The following DGKB variants were observed in gnomAD, a reference collection of about 807,000 sequenced individuals.
DGKB encodes 90 kDa diacylglycerol kinase.
Under a neutral mutation model 114.3 loss-of-function variants are expected in DGKB, and 67 were observed. That is an observed-to-expected ratio of 0.59 (90% confidence interval 0.48 to 0.72). The LOEUF is 0.72. DGKB is among the 30% of genes least tolerant of loss of function. DGKB has a pLI of 0.00. For missense variants in DGKB, 907 were observed against 975.2 expected, an observed-to-expected ratio of 0.93 and a Z score of 0.93; for synonymous variants, 398 against 323.1, an observed-to-expected ratio of 1.23 and a Z score of -2.49.
intron 21 of DGKB, among the ~76,000 whole-genome samples, chr7:14,463,591 C>CT (rs1833403794): frequency 6.6e-6 from 1 of 152,128 alleles, no homozygotes; most frequent in South Asian, 2.1e-4. Flanking sequence ...GCTATAAACT[C>CT]TAAGTGGTTG....
chr7:14,910,702 G>T (rs1783958722), intron 1 of DGKB, among the ~76,000 whole-genome samples: 1 of 152,090 alleles, frequency 6.6e-6, no homozygotes, highest in Non-Finnish European at 1.5e-5. Context: ...CAAAAGCACT[G>T]AATCTCTCTA....
intron 2 of DGKB, among the ~76,000 whole-genome samples, chr7:14,796,553 AG>A (rs1042422789): frequency 3.3e-5 from 5 of 152,184 alleles, no homozygotes; most frequent in African/African-American, 1.2e-4. Context: ...TGAAGACAAA[AG>A]CATAATCAAA....
intron 20 of DGKB, among the ~76,000 whole-genome samples, chr7:14,522,140 C>G (rs562729916): frequency 6.6e-6 from 1 of 152,254 alleles, no homozygotes; most frequent in African/African-American, 2.4e-5. Flanking sequence ...TTAAGTGTTT[C>G]ATTTTTTGCT....
At chr7:14,928,538 CCTA>C (rs1562882444) in intron 1 of DGKB, among the ~76,000 whole-genome samples, 1 of 151,778 alleles carries the variant, frequency 6.6e-6, no homozygotes, top group African/African-American at 2.4e-5. Context: ...AGTGCCTCAT[CCTA>C]CTGTTATCTG....
intron 5 of DGKB, among the ~76,000 whole-genome samples, chr7:14,734,179 C>T (rs994150148): frequency 6.8e-6 from 1 of 147,478 alleles, no homozygotes. Flanking sequence ...GGATTACAGG[C>T]GCCTGCCACC....
chr7:14,626,477 A>T (rs1303437377), intron 14 of DGKB, among the ~76,000 whole-genome samples: 1 of 152,222 alleles, frequency 6.6e-6, no homozygotes, highest in Non-Finnish European at 1.5e-5. Flanking sequence ...CAGAAACCCT[A>T]GAGTTTTTAA....
intron 13 of DGKB, among the ~76,000 whole-genome samples, chr7:14,660,846 C>G (rs989394329): frequency 1.3e-5 from 2 of 151,904 alleles, no homozygotes; most frequent in African/African-American, 4.8e-5. Context: ...CTACTGGTAC[C>G]AAAACAGAGA....
chr7:14,527,705 A>G (rs1006681542), intron 20 of DGKB, among the ~76,000 whole-genome samples: 2 of 152,046 alleles, frequency 1.3e-5, no homozygotes, highest in African/African-American at 4.8e-5. Flanking sequence ...AATACTTCCA[A>G]TTTTTTAATG....
intron 3 of DGKB, 26 bp downstream of exon 3, chr7:14,757,629 C>T: frequency 7.4e-7 from 1 of 1,356,996 alleles, no homozygotes; most frequent in African/African-American, 1.5e-5. Context: ...ATATACGAAA[C>T]TGATATAAAG....
At chr7:14,827,287 A>T (rs923412105) in intron 2 of DGKB, among the ~76,000 whole-genome samples, 1 of 152,142 alleles carries the variant, frequency 6.6e-6, no homozygotes, top group East Asian at 1.9e-4. Flanking sequence ...ATAAGGCATT[A>T]CCCAGAATTT....
chr7:14,578,778 G>A (rs1799529438), intron 19 of DGKB, among the ~76,000 whole-genome samples: 1 of 152,192 alleles, frequency 6.6e-6, no homozygotes, highest in Admixed American at 6.5e-5. Flanking sequence ...AAATTAATCT[G>A]TTTTTGAAAA....
At chr7:14,973,339 G>A (rs771490280) in intron 1 of DGKB, among the ~76,000 whole-genome samples, 57 of 151,350 alleles carry the variant, frequency 3.8e-4, no homozygotes, top group Non-Finnish European at 6.8e-4. Context: ...GTATATTATA[G>A]CCACAGTCAG....
chr7:14,192,519 A>G (rs755743012), intron 23 of DGKB, among the ~76,000 whole-genome samples: 5 of 152,126 alleles, frequency 3.3e-5, no homozygotes, highest in Non-Finnish European at 4.4e-5. Context: ...TTTTTTTTAA[A>G]TGGTCATAGT....
At chr7:14,953,521 G>T (rs760296595) in intron 1 of DGKB, among the ~76,000 whole-genome samples, 1 of 152,008 alleles carries the variant, frequency 6.6e-6, no homozygotes, top group Non-Finnish European at 1.5e-5. Context: ...CACACACGAG[G>T]ATGATTATAA....
intron 23 of DGKB, among the ~76,000 whole-genome samples, chr7:14,328,234 G>A (rs1019166667): frequency 5.9e-5 from 9 of 152,130 alleles, no homozygotes; most frequent in Non-Finnish European, 1.2e-4. Flanking sequence ...AGTGTGCTAA[G>A]GGCTTTAATT....
rs1243586701 is a variant in DGKB, at chr7:14,718,626, A to G, written c.382T>C (p.Cys128Arg). 6.2e-7 allele frequency: 1 copy of G among 1,612,674 alleles called. No homozygotes were observed. Among genetic ancestry groups the G allele is most frequent in the Non-Finnish European group, 8.5e-7 (1 of 1,178,994 alleles). ...TTCAGATGGATTACTTCTGGGGAAC[A>G]CGTATTTGCAGGAGAAGTAGTCCGG... The part of the protein sequence containing the change: ...PPRTTSPANT[C>R]SPEVIHLKDI... The change falls in exon 6 of 26, where the codon TGT becomes CGT. Residue 128 changes from cysteine to arginine, a missense_variant. This residue lies in a region of DGKB where 814 missense variants were observed against 856.6 expected (regional missense o/e 0.95). Coordinates refer to ENST00000402815, the MANE Select transcript of DGKB (RefSeq NM_001350709.2).
chr7:14,426,700 C>A (rs956346501), intron 21 of DGKB, among the ~76,000 whole-genome samples: 2 of 152,006 alleles, frequency 1.3e-5, no homozygotes, highest in Admixed American at 6.6e-5. Context: ...TATTGTGGGG[C>A]CTTCAATTTA....
intron 21 of DGKB, among the ~76,000 whole-genome samples, chr7:14,375,488 A>G (rs954793902): frequency 1.3e-5 from 2 of 152,238 alleles, no homozygotes; most frequent in Non-Finnish European, 2.9e-5. Flanking sequence ...CAATTCAGAG[A>G]GAATAAAGTA....
intron 1 of DGKB, among the ~76,000 whole-genome samples, chr7:14,970,330 A>G (rs2115303965): frequency 6.6e-6 from 1 of 152,256 alleles, no homozygotes; most frequent in African/African-American, 2.4e-5. Flanking sequence ...ACACTTCCTA[A>G]GAGGGAACTA....
Sources: allele counts gnomAD v4.1 joint callset (sites outside exome capture counted in the v4.1 genomes callset), GRCh38; gene constraint gnomAD v4.1.1; regional missense constraint gnomAD v4.1.1; transcripts MANE v1.5; gene names NCBI Gene and HGNC (gene_info 2026-07-23, HGNC 2026-07-21).